The following WDR4 variants were observed in gnomAD, a reference collection of about 807,000 sequenced individuals.
The protein encoded by WDR4 is tRNA (guanine-N(7)-)-methyltransferase non-catalytic subunit WDR4.
WDR4 carries 47 observed loss-of-function variants against 48.6 expected under a neutral mutation model. The ratio of observed to expected loss-of-function variants is 0.97; its 90% confidence interval spans 0.77 to 1.23. The LOEUF (loss-of-function observed/expected upper bound fraction) is 1.23, where lower values mean the gene tolerates loss of function less well. Among genes scored for constraint, WDR4 ranks in the 50% most tolerant of loss-of-function variants. The pLI is 0.00. For missense variants in WDR4, 606 were observed against 551.6 expected, an observed-to-expected ratio of 1.10 and a Z score of -0.99; for synonymous variants, 268 against 230.0, an observed-to-expected ratio of 1.17 and a Z score of -1.49.
chr21:42,890,208 G>C, the WDR4 span, among the ~76,000 whole-genome samples: 2 of 151,950 alleles, frequency 1.3e-5, no homozygotes, highest in East Asian at 3.9e-4. Flanking sequence ...TCAGAGTATG[G>C]ATCCAAGTGA....
downstream of WDR4, among the ~76,000 whole-genome samples, chr21:42,846,936 G>A (rs182965260): frequency 2.3e-3 from 348 of 152,102 alleles, 2 homozygotes; most frequent in African/African-American, 7.9e-3. Flanking sequence ...TAGGAGAATC[G>A]CTTGAACCCG....
intron 8 of WDR4, among the ~76,000 whole-genome samples, chr21:42,853,962 G>T (rs953265626): frequency 6.6e-6 from 1 of 152,122 alleles, no homozygotes; most frequent in African/African-American, 2.4e-5. Context: ...GGAGTGGCTC[G>T]TGGTGCAGCA....
In WDR4 at chr21:42,850,129, GCTT is replaced by G. The variant is rs756491038; in HGVS notation, c.1156_1158del (p.Lys386del). On this transcript the variant is annotated inframe_deletion, in exon 11 of 11. Coordinates refer to ENST00000398208, the MANE Select transcript of WDR4 (RefSeq NM_018669.6). Reference sequence around the variant, plus strand: ...CCAGGCGGGGGACTCCGGCGCCGCTGCTTCTTCTCTAGCTGCTGCTGCAGTCTC... The same window carrying G: ...CCAGGCGGGGGACTCCGGCGCCGCTGCTTCTCTAGCTGCTGCTGCAGTCTC... 1.9e-6 allele frequency: 3 copies of G among 1,614,060 alleles called. No individual in the cohort carries two copies. Among genetic ancestry groups the G allele is most frequent in the Non-Finnish European group, 2.5e-6 (3 of 1,179,978 alleles).
downstream of WDR4, among the ~76,000 whole-genome samples, chr21:42,848,607 TCA>T (rs773037951): frequency 2.0e-5 from 1 of 48,934 alleles, no homozygotes; most frequent in Non-Finnish European, 3.5e-5. Context: ...AGCGTGCACC[TCA>T]CACACAGCGC....
chr21:42,867,441 C>T (rs889846053), intron 3 of WDR4, among the ~76,000 whole-genome samples: 4 of 151,840 alleles, frequency 2.6e-5, no homozygotes, highest in Non-Finnish European at 5.9e-5. Context: ...GGGGCACTGC[C>T]AAGAGCCAAA....
chr21:42,884,186 T>C (rs1354202119), upstream of WDR4, among the ~76,000 whole-genome samples: 1 of 152,238 alleles, frequency 6.6e-6, no homozygotes, highest in Non-Finnish European at 1.5e-5. Context: ...CATTGGTTGA[T>C]AGGCAGTTTG....
intron 7 of WDR4, among the ~76,000 whole-genome samples, chr21:42,854,868 C>G (rs771503114): frequency 1.3e-5 from 2 of 152,152 alleles, no homozygotes; most frequent in Non-Finnish European, 2.9e-5. Context: ...CGACAGCCTC[C>G]AAAGCCAACA....
upstream of WDR4, among the ~76,000 whole-genome samples, chr21:42,881,428 C>G (rs1403429500): frequency 6.6e-6 from 1 of 152,176 alleles, no homozygotes; most frequent in African/African-American, 2.4e-5. Flanking sequence ...TTTAACCACA[C>G]TCTTTTCTAT....
At chr21:42,875,747 AATG>A (rs1317211569) in intron 2 of WDR4, among the ~76,000 whole-genome samples, 1 of 152,120 alleles carries the variant, frequency 6.6e-6, no homozygotes, top group African/African-American at 2.4e-5. Flanking sequence ...CCACAATACC[AATG>A]ATAACTAAAG....
chr21:42,844,378 C>G (rs903162961), downstream of WDR4, among the ~76,000 whole-genome samples: 1 of 152,194 alleles, frequency 6.6e-6, no homozygotes, highest in Non-Finnish European at 1.5e-5. Flanking sequence ...CCGCAGAATA[C>G]ATACATGATG....
intron 2 of WDR4, among the ~76,000 whole-genome samples, chr21:42,874,140 T>C (rs567588221): frequency 7.2e-5 from 11 of 152,320 alleles, no homozygotes; most frequent in African/African-American, 2.4e-4. Flanking sequence ...AGAATGTGGA[T>C]TGTGAAGATT....
At chr21:42,848,402 C>T (rs1180671976), downstream of WDR4, among the ~76,000 whole-genome samples, 2 of 147,174 alleles carry the variant, frequency 1.4e-5, no homozygotes, top group African/African-American at 2.5e-5. Context: ...CACACGATCA[C>T]GCGGCGCGCA....
chr21:42,873,399 T>C (rs753738986), intron 3 of WDR4, 152 bp downstream of exon 3: 17 of 1,087,602 alleles, frequency 1.6e-5, no homozygotes, highest in Non-Finnish European at 2.1e-5. Flanking sequence ...CCAACACACA[T>C]GTGGCACTGA....
At chr21:42,878,560 T>C (rs370897836) in intron 1 of WDR4, among the ~76,000 whole-genome samples, 1 of 152,182 alleles carries the variant, frequency 6.6e-6, no homozygotes, top group African/African-American at 2.4e-5. Context: ...AAATATACAG[T>C]ATATCTGACA....
At chr21:42,845,788 C>A (rs1388923103), downstream of WDR4, among the ~76,000 whole-genome samples, 1 of 152,206 alleles carries the variant, frequency 6.6e-6, no homozygotes, top group Admixed American at 6.5e-5. Flanking sequence ...TGAGAGCCAG[C>A]AATTCCACGC....
chr21:42,869,574 T>C (rs1449082316), intron 3 of WDR4, among the ~76,000 whole-genome samples: 1 of 152,176 alleles, frequency 6.6e-6, no homozygotes, highest in Non-Finnish European at 1.5e-5. Flanking sequence ...GAGCCACACT[T>C]TGGGAGATGG....
At chr21:42,888,929 C>G in the WDR4 span, among the ~76,000 whole-genome samples, 2 of 151,674 alleles carry the variant, frequency 1.3e-5, no homozygotes, top group African/African-American at 4.8e-5. Context: ...GTCTCGAACT[C>G]CATACCTCAG....
chr21:42,859,256 G>A (rs997930106), intron 6 of WDR4, among the ~76,000 whole-genome samples: 1 of 151,272 alleles, frequency 6.6e-6, no homozygotes, highest in African/African-American at 2.4e-5. Context: ...TAAAAAAAAA[G>A]AAAGAAAGAA....
chr21:42,849,948 G>A lies in WDR4; in HGVS notation c.*101C>T, dbSNP rs2057775556. 5.5e-6 allele frequency: 8 copies of A among 1,455,480 alleles called. No individual in the cohort carries two copies. Among genetic ancestry groups the A allele is most frequent in the Non-Finnish European group, 9.4e-7 (1 of 1,058,228 alleles). The allele number at this position is 1,455,480 out of a possible 1,614,324, so 90.2% of individuals were successfully genotyped here. ...CCCATCCTCTGAGCTGGTCACAACT[G>A]ATGTCACCTTTTCCTTCTTGAAGGG... On this transcript the variant is annotated 3_prime_UTR_variant, in exon 11 of 11. Coordinates refer to ENST00000398208, the MANE Select transcript of WDR4 (RefSeq NM_018669.6).
Sources: allele counts gnomAD v4.1 joint callset (sites outside exome capture counted in the v4.1 genomes callset), GRCh38; gene constraint gnomAD v4.1.1; transcripts MANE v1.5; gene names NCBI Gene and HGNC (gene_info 2026-07-23, HGNC 2026-07-21).